Variants in IPO9 observed in about 807,000 individuals in gnomAD.
IPO9 encodes the protein importin-9.
A neutral mutation model predicts 128.6 loss-of-function variants in IPO9; 28 were observed. The ratio of observed to expected loss-of-function variants is 0.22; its 90% CI spans 0.16 to 0.30. IPO9 has a LOEUF of 0.30. Among genes scored for constraint, IPO9 ranks in the 10% least tolerant of loss-of-function variants. The pLI, the probability that IPO9 is intolerant of heterozygous loss-of-function variation, is 1.00. For missense variants in IPO9, 935 were observed against 1,293.9 expected, an observed-to-expected ratio of 0.72 and a Z score of 4.26; for synonymous variants, 455 against 475.8, an observed-to-expected ratio of 0.96 and a Z score of 0.57.
intron 13 of IPO9, among the ~76,000 whole-genome samples, chr1:201,862,513 A>G (rs534134984): frequency 6.6e-6 from 1 of 151,982 alleles, no homozygotes; most frequent in Non-Finnish European, 1.5e-5. Context: ...ATGGCAACTT[A>G]GAAGATTAAG....
In IPO9 at chr1:201,881,494, A is replaced by T. The variant is rs566027949; in HGVS notation, c.*5440A>T. ...AGAGAAAAAGTAAGAAAAGGCCGTC[A>T]TGAAACAATTTCATTTTCAGACCTT... On this transcript the variant is annotated 3_prime_UTR_variant, in exon 24 of 24. Coordinates refer to ENST00000361565, the MANE Select transcript of IPO9 (RefSeq NM_018085.5). 2.6e-5 allele frequency: 4 copies of T among 152,326 alleles called. No homozygotes were observed. Among genetic ancestry groups the T allele is most frequent in the Non-Finnish European group, 5.9e-5 (4 of 68,026 alleles). 9.4% of individuals were successfully genotyped at this position (152,326 alleles called of 1,614,324 possible).
chr1:201,852,214 A>G (rs1222584160), intron 5 of IPO9, 22 bp downstream of exon 5: 2 of 1,501,662 alleles, frequency 1.3e-6, no homozygotes, highest in South Asian at 2.3e-5. Flanking sequence ...CAGCTCCAAG[A>G]TTATAGTGAG....
rs1432713157 is a variant in IPO9 at position 201,829,310 on chromosome 1, C to T, written c.101C>T (p.Ser34Phe). The change falls in exon 1 of 24, where the codon TCC becomes TTC. Residue 34 changes from serine (S) to phenylalanine (F), a missense_variant. Ser to Phe is a radical substitution (Grantham distance 155). This residue lies in a region of IPO9 where 741 missense variants were observed against 1,019.1 expected (regional missense o/e 0.73). Coordinates refer to ENST00000361565, the MANE Select transcript of IPO9 (RefSeq NM_018085.5). ...GTGGATACGCTCACCGGGATCCTAT[C>T]CCCAGTACAGGAGGTGCGGGCGGCT... ...ALVDTLTGIL[S>F]PVQEVRAAAE... 2 of 1,596,682 alleles carry T rather than the reference C, an allele frequency of 1.3e-6. No homozygotes were observed. The highest frequency in any genetic ancestry group is 1.7e-6 in the Non-Finnish European group (2 of 1,172,838).
intron 1 of IPO9, among the ~76,000 whole-genome samples, chr1:201,836,612 T>A (rs796998102): frequency 6.8e-5 from 10 of 146,340 alleles, no homozygotes; most frequent in African/African-American, 2.5e-4. Flanking sequence ...TGGAAACAAT[T>A]ATTTATATAG....
At chr1:201,856,026 TA>T (rs1245805350) in intron 10 of IPO9, 92 bp downstream of exon 10, 2 of 911,340 alleles carry the variant, frequency 2.2e-6, no homozygotes, top group Non-Finnish European at 3.2e-6. Context: ...ACTTTATTTC[TA>T]AAAATAGACA....
At position 201,834,557 on chromosome 1, in the gene IPO9, A is replaced by G. The variant is rs909292220; in HGVS notation, c.163+5185A>G. 3.9e-5 allele frequency among the ~76,000 whole-genome samples: 6 copies of G among 152,112 alleles called. No homozygotes were observed. The South Asian group carries it at 1.2e-3, about 31-fold the overall frequency. Reference sequence around the variant, plus strand: ...TCTCTACTTTTCCTCTAAGAATGGCATTATCCAAGTGGTGGAATGGGTTGC... The same window carrying G: ...TCTCTACTTTTCCTCTAAGAATGGCGTTATCCAAGTGGTGGAATGGGTTGC... On this transcript the variant is annotated intron_variant, in intron 1 of 23. Coordinates refer to ENST00000361565, the MANE Select transcript of IPO9 (RefSeq NM_018085.5).
rs960053512 is a variant in IPO9, at chr1:201,829,232, G to C, written c.23G>C (p.Gly8Ala). The C allele has an allele frequency of 6.4e-7, 1 of 1,569,012 alleles. No homozygotes were observed. Among genetic ancestry groups the C allele is most frequent in the African/African-American group, 1.4e-5 (1 of 71,140 alleles). Residue 8 changes from glycine to alanine, a missense_variant, in exon 1 of 24, where the codon GGT becomes GCT. Physicochemically the swap from Gly to Ala is moderately conservative, Grantham distance 60 (BLOSUM62 0). Transcript: ENST00000361565. ...AAGATGGCGGCGGCGGCGGCAGCTG[G>C]TGCGGCCTCCGGGCTGCCGGGTCCA... MAAAAAAGAASGLPGPVA... is the reference protein window; with the variant it reads MAAAAAAAAASGLPGPVA...
At chr1:201,874,980 T>G (rs1227439069) in intron 22 of IPO9, 44 bp downstream of exon 22, 1 of 1,456,040 alleles carries the variant, frequency 6.9e-7, no homozygotes, top group Non-Finnish European at 9.7e-7. Flanking sequence ...ATACCTTTTC[T>G]TTGCACACTG....
Position 201,858,979 on chromosome 1 carries a change from G to A in IPO9, c.1453G>A (p.Asp485Asn). Residue 485 changes from aspartate (D) to asparagine (N), a missense_variant, in exon 13 of 24, where the codon GAC becomes AAC. Around this residue, in one of 3 missense-constraint regions of IPO9, gnomAD observed 741 missense variants for 1,019.1 expected, o/e 0.73. Coordinates refer to ENST00000361565, the MANE Select transcript of IPO9 (RefSeq NM_018085.5). ...HGFLTNVILA[D>N]LNLSVSPFLL... ...GTTCCTGACCAATGTCATCCTTGCAGACCTCAACCTCTCAGGTATGTTTCA... is the reference window on the plus strand; with the variant it reads ...GTTCCTGACCAATGTCATCCTTGCAAACCTCAACCTCTCAGGTATGTTTCA... 1 of 1,608,234 alleles carries A rather than the reference G, an allele frequency of 6.2e-7. No individual in the cohort carries two copies. Among genetic ancestry groups the A allele is most frequent in the Non-Finnish European group, 8.5e-7 (1 of 1,175,400 alleles).
At chr1:201,874,721 C>T (rs1171932526) in intron 21 of IPO9, 111 bp from the exon 22 acceptor site, 1 of 761,546 alleles carries the variant, frequency 1.3e-6, no homozygotes, top group African/African-American at 1.7e-5. Flanking sequence ...CTGGGGACTA[C>T]AAGCCACATT....
intron 1 of IPO9, among the ~76,000 whole-genome samples, chr1:201,835,991 A>T (rs1432310265): frequency 3.3e-5 from 5 of 152,020 alleles, no homozygotes; most frequent in Non-Finnish European, 7.4e-5. Flanking sequence ...GGGCGCCTGT[A>T]GTCCCAGCTA....
intron 4 of IPO9, among the ~76,000 whole-genome samples, chr1:201,849,986 T>C (rs1307804887): frequency 1.3e-5 from 2 of 152,208 alleles, no homozygotes; most frequent in African/African-American, 4.8e-5. Context: ...CAGATACATG[T>C]TCTACCAAGG....
chr1:201,829,460 G>A, intron 1 of IPO9, 88 bp downstream of exon 1: 3 of 1,315,948 alleles, frequency 2.3e-6, no homozygotes, highest in African/African-American at 1.5e-5. Flanking sequence ...TGGGGAGCCT[G>A]AGCCAGTTGG....
chr1:201,871,084 T>A, intron 18 of IPO9, 77 bp from the exon 19 acceptor site: 4 of 1,440,354 alleles, frequency 2.8e-6, no homozygotes, highest in Non-Finnish European at 3.8e-6. Context: ...ATTTCTTATC[T>A]GACTGGCCAG....
At position 201,869,561 on chromosome 1, in the gene IPO9, C is replaced by T. The variant is rs201582590; in HGVS notation, c.2005-29C>T. 178 of 1,612,798 alleles carry T rather than the reference C, an allele frequency of 1.1e-4. 1 individual carries two copies. The African/African-American group carries it at 2.1e-3, about 19-fold the overall frequency. ...GGCAACCCCCACCCCAGAGGCAATTCTGACTTTTCTTTTTCTTCTCTCTTT... is the reference window on the plus strand; with the variant it reads ...GGCAACCCCCACCCCAGAGGCAATTTTGACTTTTCTTTTTCTTCTCTCTTT... On this transcript the variant is annotated intron_variant, in intron 16 of 23. Coordinates refer to ENST00000361565, the MANE Select transcript of IPO9 (RefSeq NM_018085.5).
chr1:201,854,960 C>G, intron 8 of IPO9, 37 bp downstream of exon 8: 1 of 1,519,662 alleles, frequency 6.6e-7, no homozygotes, highest in Non-Finnish European at 8.9e-7. Flanking sequence ...GCTACTACCA[C>G]CTATAGTTAG....
At chr1:201,851,537 A>G (rs149506256) in intron 4 of IPO9, among the ~76,000 whole-genome samples, 248 of 151,518 alleles carry the variant, frequency 1.6e-3, no homozygotes, top group Non-Finnish European at 2.7e-3. Flanking sequence ...TTCTGTGTAT[A>G]GGTTGCTTTT....
rs745306138 is a variant in IPO9, at chr1:201,854,809, T to C, written c.811-14T>C. The C allele has an allele frequency of 1.2e-6, 2 of 1,603,118 alleles. No homozygotes were observed. Among genetic ancestry groups the C allele is most frequent in the South Asian group, 1.1e-5 (1 of 89,114 alleles). On this transcript the variant is annotated splice_polypyrimidine_tract_variant and intron_variant, in intron 7 of 23. Transcript: ENST00000361565. ...ATCACTCATAACTTGGGTCCTTTTC[T>C]CTTAACTTCTTAGGCAGTGACAGCC...
At position 201,872,944 on chromosome 1, in the gene IPO9, G is replaced by T. The variant is rs778640930; in HGVS notation, c.2693G>T (p.Arg898Leu). 7 of 1,612,380 alleles carry T rather than the reference G, an allele frequency of 4.3e-6. No homozygotes were observed. The highest frequency in any genetic ancestry group is 5.9e-6 in the Non-Finnish European group (7 of 1,179,264). The change falls in exon 20 of 24, where the codon CGC becomes CTC. Residue 898 changes from arginine to leucine, a missense_variant. By Grantham distance (102) the Arg-to-Leu change is moderately radical. Coordinates refer to ENST00000361565, the MANE Select transcript of IPO9 (RefSeq NM_018085.5). ...IYSMDEGIRT[R>L]SKSAKNPERW... The stretch of plus-strand genomic sequence containing the variant: ...AGCATGGATGAGGGCATCCGCACCC[G>T]CTCTAAGTCAGCCAAAAGTGGGTGC...
Sources: gnomAD v4.1 joint callset for allele counts (sites outside exome capture counted in the v4.1 genomes callset) on GRCh38, gnomAD v4.1.1 for gene constraint, gnomAD v4.1.1 regional missense constraint, MANE v1.5 for transcripts, NCBI Gene and HGNC (gene_info 2026-07-23, HGNC 2026-07-21) for gene names.